The following PIGN variants were observed in gnomAD, a reference collection of about 807,000 sequenced individuals.
The protein encoded by PIGN is GPI ethanolamine phosphate transferase 1.
A neutral mutation model predicts 125.4 loss-of-function variants in PIGN; 117 were observed. The ratio of observed to expected loss-of-function variants is 0.93; its 90% CI spans 0.80 to 1.09. PIGN has a LOEUF of 1.09. Among genes scored for constraint, PIGN ranks in the 50% least tolerant of loss-of-function variants. The probability of loss-of-function intolerance (pLI) is 0.00; values close to 1 mark genes in which losing one functional copy is unlikely to be tolerated. For synonymous variants in PIGN, 392 were observed against 377.8 expected (o/e 1.04, Z -0.44); for missense variants, 1,075 against 1,094.9 (o/e 0.98, Z 0.26).
rs1159998892 is a variant in PIGN at position 62,090,461 on chromosome 18, A to G, written c.2283+15T>C. The G allele has an allele frequency of 6.7e-7, 1 of 1,497,802 alleles. No homozygotes were observed. Among genetic ancestry groups the G allele is most frequent in the Non-Finnish European group, 9.3e-7 (1 of 1,080,060 alleles). 92.8% of individuals were successfully genotyped at this position (1,497,802 alleles called of 1,614,324 possible). On this transcript the variant is annotated intron_variant, in intron 24 of 30. Transcript: ENST00000640252. ...ATAGTCTCAAATAAAAACAAAAATG[A>G]CTTTGACCAGCTACCTTTTGTTTAC... is the stretch of plus-strand genomic sequence containing the variant.
chr18:62,070,545 A>G (rs927900627), intron 30 of PIGN: 3 of 398,026 alleles, frequency 7.5e-6, no homozygotes, highest in South Asian at 2.6e-4. Flanking sequence ...TGTTTAACAC[A>G]TGGTGTCTCC....
At chr18:62,119,852 A>G (rs1044656133) in intron 14 of PIGN, among the ~76,000 whole-genome samples, 1 of 151,798 alleles carries the variant, frequency 6.6e-6, no homozygotes, top group Non-Finnish European at 1.5e-5. Context: ...TCAAAAAAAA[A>G]AAAGAAAGAA....
In PIGN at chr18:62,090,495, C is replaced by T. The variant is rs377599365; in HGVS notation, c.2264G>A (p.Gly755Asp). 6.2e-6 allele frequency: 10 copies of T among 1,604,284 alleles called. No homozygotes were observed. The highest frequency in any genetic ancestry group is 7.7e-6 in the Non-Finnish European group (9 of 1,174,308). ...NIEQETLQQSGVCCKQKLTSI... is the reference protein window; with the variant it reads ...NIEQETLQQSDVCCKQKLTSI... ...AGCTACCTTTTGTTTACAGCAAACACCAGATTGTTGTAGAGTTTCTTGTTC... is the reference window on the plus strand; with the variant it reads ...AGCTACCTTTTGTTTACAGCAAACATCAGATTGTTGTAGAGTTTCTTGTTC... Residue 755 changes from glycine to aspartate, a missense_variant, in exon 24 of 31, where the codon GGT (glycine) becomes GAT (aspartate). Transcript: ENST00000640252.
downstream of PIGN, among the ~76,000 whole-genome samples, chr18:62,036,747 G>T (rs530712481): frequency 2.6e-5 from 4 of 152,272 alleles, no homozygotes; most frequent in African/African-American, 9.6e-5. Flanking sequence ...GGCCCTGAAA[G>T]AATCCTTATC....
At chr18:62,091,233 A>T (rs1017976278) in intron 23 of PIGN, among the ~76,000 whole-genome samples, 1 of 152,020 alleles carries the variant, frequency 6.6e-6, no homozygotes, top group African/African-American at 2.4e-5. Context: ...CTGCCCAGCT[A>T]ACTCGGGAGG....
chr18:62,048,718 A>G (rs1182398237), intron 30 of PIGN, among the ~76,000 whole-genome samples: 1 of 144,236 alleles, frequency 6.9e-6, no homozygotes, highest in African/African-American at 2.6e-5. Flanking sequence ...TATTATTATT[A>G]TACTTTAAGT....
chr18:62,053,499 G>C (rs1175372745), intron 30 of PIGN, among the ~76,000 whole-genome samples: 1 of 152,158 alleles, frequency 6.6e-6, no homozygotes, highest in Non-Finnish European at 1.5e-5. Context: ...GAAAAACAGA[G>C]ATTGGTAGAA....
chr18:62,071,899 T>TAC (rs2032891361), intron 30 of PIGN, among the ~76,000 whole-genome samples: 2 of 122,042 alleles, frequency 1.6e-5, no homozygotes, highest in Admixed American at 1.6e-4. Flanking sequence ...TATATATATA[T>TAC]ATATATATAT....
At chr18:62,118,302 A>G (rs2035164682) in intron 14 of PIGN, among the ~76,000 whole-genome samples, 1 of 152,164 alleles carries the variant, frequency 6.6e-6, no homozygotes, top group Non-Finnish European at 1.5e-5. Flanking sequence ...TGACTAAAAC[A>G]CTAAGATTTA....
At chr18:62,185,350 CTATT>C (rs972320000) in intron 1 of PIGN, among the ~76,000 whole-genome samples, 6 of 152,044 alleles carry the variant, frequency 3.9e-5, no homozygotes, top group Admixed American at 2.0e-4. Context: ...GCACAGAAAA[CTATT>C]TATCATTAAA....
In PIGN at chr18:62,083,902, G is replaced by A. The variant is rs74513868; in HGVS notation, c.2502+629C>T. Among the ~76,000 whole-genome samples the A allele has an allele frequency of 4.8e-3, 722 of 151,998 alleles. 8 individuals are homozygous for A. The highest frequency in any genetic ancestry group is 0.016 in the African/African-American group (682 of 41,450). Reference sequence around the variant, plus strand: ...TCATAAATCTGAACATTAGGTAATCGGATTTTAGGCAAGAATCAGTTTACT... The same window carrying A: ...TCATAAATCTGAACATTAGGTAATCAGATTTTAGGCAAGAATCAGTTTACT... On this transcript the variant is annotated intron_variant, in intron 27 of 30. Coordinates refer to ENST00000640252, the MANE Select transcript of PIGN (RefSeq NM_176787.5).
intron 23 of PIGN, 126 bp downstream of exon 23, chr18:62,095,722 T>A: frequency 1.6e-6 from 1 of 610,206 alleles, no homozygotes. Flanking sequence ...AAGAAAATAT[T>A]TATAATGTAT....
At chr18:62,185,761 A>T (rs1233398600) in intron 1 of PIGN, among the ~76,000 whole-genome samples, 2 of 74,926 alleles carry the variant, frequency 2.7e-5, no homozygotes, top group African/African-American at 7.9e-5. Flanking sequence ...AATTGTATTG[A>T]CTGGAAATTC....
At chr18:62,046,746 A>G (rs896066547) in intron 30 of PIGN, among the ~76,000 whole-genome samples, 2 of 152,176 alleles carry the variant, frequency 1.3e-5, no homozygotes, top group African/African-American at 4.8e-5. Flanking sequence ...GAAAGAATAG[A>G]AAGTCTGTAC....
chr18:62,180,250 A>T (rs2037668445), intron 1 of PIGN, among the ~76,000 whole-genome samples: 1 of 152,234 alleles, frequency 6.6e-6, no homozygotes, highest in East Asian at 1.9e-4. Flanking sequence ...CAGAAGTAGT[A>T]CATGATTATT....
chr18:62,106,887 A>G lies in PIGN; in HGVS notation c.1675-6T>C, dbSNP rs1455086803. The G allele has an allele frequency of 6.3e-7, 1 of 1,598,596 alleles. No homozygotes were observed. Among genetic ancestry groups the G allele is most frequent in the South Asian group, 1.1e-5 (1 of 88,778 alleles). ...CGGTAGAAAAAACTGAGAACCTAGT[A>G]ATGCATTCCAAAGAAGGAATGAAAA... On this transcript the variant is annotated splice_region_variant and splice_polypyrimidine_tract_variant and intron_variant, in intron 18 of 30. Transcript: ENST00000640252.
chr18:62,143,211 G>C (rs1017931813), intron 11 of PIGN, 95 bp downstream of exon 11: 2 of 680,340 alleles, frequency 2.9e-6, no homozygotes, highest in African/African-American at 3.8e-5. Context: ...AAAAGACTTT[G>C]TCAATATTAA....
intron 30 of PIGN, among the ~76,000 whole-genome samples, chr18:62,050,344 C>T (rs1219520047): frequency 6.6e-6 from 1 of 151,672 alleles, no homozygotes; most frequent in African/African-American, 2.4e-5. Context: ...ATGGAATGTT[C>T]TTCCATTTGT....
At chr18:62,147,133 A>G in intron 8 of PIGN, 32 bp from the exon 9 acceptor site, 1 of 1,561,552 alleles carries the variant, frequency 6.4e-7, no homozygotes, top group Non-Finnish European at 8.7e-7. Context: ...AACAAATTAA[A>G]TTAATTTGGA....
Sources: gnomAD v4.1 joint callset for allele counts (sites outside exome capture counted in the v4.1 genomes callset) on GRCh38, gnomAD v4.1.1 for gene constraint, MANE v1.5 for transcripts, NCBI Gene and HGNC (gene_info 2026-07-23, HGNC 2026-07-21) for gene names.